Variants in ID4 observed in about 807,000 individuals in gnomAD.
ID4 encodes inhibitor of DNA binding 4, also known as DNA-binding protein inhibitor ID-4.
A neutral mutation model predicts 8.6 loss-of-function variants in ID4; 9 were observed. The observed-to-expected ratio is 1.04, with a 90% CI of 0.63 to 1.82. The LOEUF (loss-of-function observed/expected upper bound fraction) is 1.82, where lower values mean the gene tolerates loss of function less well. Ranked by LOEUF, ID4 falls within the 40% of genes most tolerant of loss-of-function variation. The pLI, the probability that ID4 is intolerant of heterozygous loss-of-function variation, is 0.00. For synonymous variants in ID4, 180 were observed against 118.0 expected (o/e 1.53, Z -3.41); for missense variants, 270 against 235.1 (o/e 1.15, Z -0.97).
chr6:19,841,420 CAT>C lies in ID4; in HGVS notation c.*2226_*2227del, dbSNP rs1377633013. On this transcript the variant is annotated 3_prime_UTR_variant, in exon 3 of 3. Coordinates refer to ENST00000378700, the MANE Select transcript of ID4 (RefSeq NM_001546.4). ...TTTAATTTCAGTAGGAAGCATGTCA[CAT>C]GTGCACTGTTGGTTAGAATTATGCA... Among the ~76,000 whole-genome samples the C allele has an allele frequency of 2.6e-5, 4 of 152,292 alleles. No individual in the cohort carries two copies. The highest frequency in any genetic ancestry group is 4.1e-4 in the South Asian group (2 of 4,832).
rs1761352035 is a variant in ID4, at chr6:19,841,094, C to CTAATGCTAGCAGGTTAAAAT, written c.*1900_*1919dup. ...AATGTCTAAACAGAAATGAACAAAACTAATGCTAGCAGGTTAAAATCAATC... is the reference window on the plus strand; with the variant it reads ...AATGTCTAAACAGAAATGAACAAAACTAATGCTAGCAGGTTAAAATTAATGCTAGCAGGTTAAAATCAATC... On this transcript the variant is annotated 3_prime_UTR_variant, in exon 3 of 3. Transcript: ENST00000378700. Among the ~76,000 whole-genome samples the CTAATGCTAGCAGGTTAAAAT allele has an allele frequency of 6.6e-6, 1 of 152,156 alleles. No homozygotes were observed. Among genetic ancestry groups the CTAATGCTAGCAGGTTAAAAT allele is most frequent in the Non-Finnish European group, 1.5e-5 (1 of 68,004 alleles).
chr6:19,839,730 T>C lies in ID4; in HGVS notation c.*535T>C, dbSNP rs1761318068. The C allele has an allele frequency of 3.3e-5, 5 of 152,596 alleles. No individual in the cohort carries two copies. The South Asian group carries it at 1.0e-3, about 32-fold the overall frequency. 9.5% of individuals were successfully genotyped at this position (152,596 alleles called of 1,614,324 possible). A position where few individuals can be genotyped will look rare whatever the true frequency, so the allele number is the denominator to read the frequency against. On this transcript the variant is annotated 3_prime_UTR_variant, in exon 3 of 3. Transcript: ENST00000378700. ...GATAAATGAGTGACATTTCATACCA[T>C]GTATATATAGAGATGTTCTATAAGT...
In ID4 at chr6:19,837,429, T is replaced by A. The variant is rs1761239070; in HGVS notation, c.-326T>A. 2 of 155,050 alleles carry A rather than the reference T, an allele frequency of 1.3e-5. No homozygotes were observed. Among genetic ancestry groups the A allele is most frequent in the South Asian group, 4.1e-4 (2 of 4,856 alleles). The allele number at this position is 155,050 out of a possible 1,614,324, so 9.6% of individuals were successfully genotyped here. On this transcript the variant is annotated 5_prime_UTR_variant, in exon 1 of 3. Transcript: ENST00000378700. ...TACCGGGAGTGGGGTGATCCCGGGC[T>A]AGGGGAGCGCGGCGGCCGCGATCGG...
At position 19,839,537 on chromosome 6, in the gene ID4, G is replaced by A. The variant is rs1403575088; in HGVS notation, c.*342G>A. The stretch of plus-strand genomic sequence containing the variant: ...TAAATAGAAGATCAAGAGTAGATCC[G>A]ACTTTAGAAGCCTACTTTGTGACCA... On this transcript the variant is annotated 3_prime_UTR_variant, in exon 3 of 3. Coordinates refer to ENST00000378700, the MANE Select transcript of ID4 (RefSeq NM_001546.4). 6.6e-6 allele frequency: 1 copy of A among 152,522 alleles called. No homozygotes were observed. The highest frequency in any genetic ancestry group is 2.4e-5 in the African/African-American group (1 of 41,412). 9.4% of individuals were successfully genotyped at this position (152,522 alleles called of 1,614,324 possible).
In ID4 at chr6:19,838,189, C is replaced by G. The variant is rs1337749423; in HGVS notation, c.435C>G (p.Thr145=). Residue 145 remains threonine, a synonymous_variant, in exon 1 of 3, where the codon ACC becomes ACG. Transcript: ENST00000378700. ...PPRTPLTALN[T]DPAGAVNKQG... ...GGACCCCGCTCACTGCGCTCAACACCGACCCGGTGAGAGGCCGGGCGCCGG... is the reference window on the plus strand; with the variant it reads ...GGACCCCGCTCACTGCGCTCAACACGGACCCGGTGAGAGGCCGGGCGCCGG... 1.7e-5 allele frequency: 24 copies of G among 1,395,898 alleles called. No homozygotes were observed. The highest frequency in any genetic ancestry group is 2.1e-5 in the Non-Finnish European group (23 of 1,078,252). The allele number at this position is 1,395,898 out of a possible 1,614,324, so 86.5% of individuals were successfully genotyped here.
In ID4 at chr6:19,838,087, C is replaced by G; in HGVS notation, c.333C>G (p.His111Gln). Residue 111 changes from histidine (H) to glutamine (Q), a missense_variant, in exon 1 of 3, where the codon CAC becomes CAG. Physicochemically the swap from His to Gln is conservative, Grantham distance 24. Coordinates refer to ENST00000378700, the MANE Select transcript of ID4 (RefSeq NM_001546.4). ...ILDLQLALET[H>Q]PALLRQPPPP... is the part of the protein sequence containing the mutation. ...ACCTGCAGCTGGCGCTGGAGACGCA[C>G]CCGGCCCTGCTGAGGCAGCCACCAC... is the stretch of plus-strand genomic sequence containing the variant. The G allele has an allele frequency of 1.2e-6, 2 of 1,604,062 alleles. No homozygotes were observed. Among genetic ancestry groups the G allele is most frequent in the Non-Finnish European group, 1.7e-6 (2 of 1,175,532 alleles).
intron 1 of ID4, 34 bp downstream of exon 1, chr6:19,838,229 C>T (rs1162853395): frequency 9.0e-6 from 12 of 1,326,354 alleles, no homozygotes; most frequent in South Asian, 2.2e-5. Context: ...GGGCGGACGC[C>T]GCGGGGGATG....
At position 19,837,738 on chromosome 6, in the gene ID4, A is replaced by AGG; in HGVS notation, c.-16_-15insGG. The AGG allele has an allele frequency of 8.9e-7, 1 of 1,121,464 alleles. No homozygotes were observed. Among genetic ancestry groups the AGG allele is most frequent in the African/African-American group, 1.7e-5 (1 of 59,930 alleles). 69.5% of individuals were successfully genotyped at this position (1,121,464 alleles called of 1,614,324 possible). ...CGCCCCAGCGGGTTCGCTCGCGTAG[A>AGG]GCGCAGGGCGCGCGCGATGAAGGCG... On this transcript the variant is annotated 5_prime_UTR_variant, in exon 1 of 3. Coordinates refer to ENST00000378700, the MANE Select transcript of ID4 (RefSeq NM_001546.4).
Position 19,838,307 on chromosome 6 carries a change from G to A in ID4, c.441+112G>A, listed in dbSNP as rs1761272335. The A allele has an allele frequency of 1.3e-5, 14 of 1,084,466 alleles. No homozygotes were observed. The South Asian group carries it at 1.6e-4, about 12-fold the overall frequency. The allele number at this position is 1,084,466 out of a possible 1,614,324, so 67.2% of individuals were successfully genotyped here. On this transcript the variant is annotated intron_variant, in intron 1 of 2. Transcript: ENST00000378700. Reference sequence around the variant, plus strand: ...CTCCGGGCAGGGGCGGGCCAGGAATGACAGCCCCCTCCCCCTGCTCCTCCG... The same window carrying A: ...CTCCGGGCAGGGGCGGGCCAGGAATAACAGCCCCCTCCCCCTGCTCCTCCG...
rs781608796 is a variant in ID4, at chr6:19,838,566, G to A, written c.442-18G>A. 6.2e-7 allele frequency: 1 copy of A among 1,614,010 alleles called. No individual in the cohort carries two copies. Among genetic ancestry groups the A allele is most frequent in the East Asian group, 2.2e-5 (1 of 44,840 alleles). ...TGCGCCTGCTAACCTTTCCCTTGGT[G>A]TTCGGTTGCTGTTCCAGGCCGGCGC... On this transcript the variant is annotated intron_variant, in intron 1 of 2. Transcript: ENST00000378700.
Position 19,839,811 on chromosome 6 carries a change from TA to T in ID4, c.*617del, listed in dbSNP as rs1234887814. The T allele has an allele frequency of 5.3e-5, 8 of 152,138 alleles. No individual in the cohort carries two copies. The highest frequency in any genetic ancestry group is 4.1e-4 in the South Asian group (2 of 4,828). 9.4% of individuals were successfully genotyped at this position (152,138 alleles called of 1,614,324 possible). A position where few individuals can be genotyped will look rare whatever the true frequency, so the allele number is the denominator to read the frequency against. ...TAATTATAAGATATTTTTAATTAAA[TA>T]TTTTTTTGTAAATATTATGTGTGTG... On this transcript the variant is annotated 3_prime_UTR_variant, in exon 3 of 3. Transcript: ENST00000378700.
Position 19,841,380 on chromosome 6 carries a change from C to A in ID4, c.*2185C>A, listed in dbSNP as rs1761357097. 6.6e-6 allele frequency among the ~76,000 whole-genome samples: 1 copy of A among 152,122 alleles called. No homozygotes were observed. The highest frequency in any genetic ancestry group is 6.5e-5 in the Admixed American group (1 of 15,278). On this transcript the variant is annotated 3_prime_UTR_variant, in exon 3 of 3. Transcript: ENST00000378700. ...GTTATTAAAAAGGGCACAATCCTTC[C>A]TTTTTATTTGGCAGTTTAATTTCAG...
Position 19,838,615 on chromosome 6 carries a change from TTCTGTGCC to T in ID4, c.474_481del (p.Ile158MetfsTer19). 6.2e-7 allele frequency: 1 copy of T among 1,613,922 alleles called. No homozygotes were observed. The highest frequency in any genetic ancestry group is 1.3e-5 in the African/African-American group (1 of 75,052). ...GCGGTGAACAAGCAGGGCGACAGCATTCTGTGCCGCTGAGCCGCGCTGTCCAGGTGAGC... is the reference window on the plus strand; with the variant it reads ...GCGGTGAACAAGCAGGGCGACAGCATGCTGAGCCGCGCTGTCCAGGTGAGC... On this transcript the variant is annotated frameshift_variant, in exon 2 of 3. Transcript: ENST00000378700. LOFTEE classifies it high-confidence loss of function.
rs1761257880 is a variant in ID4, at chr6:19,837,940, G to GTA, written c.187_188insAT (p.Cys63TyrfsTer7). ...AGGCGGCGGCCGACGAGCCGGCGCT[G>GTA]TGCCTGCAGTGCGATATGAACGACT... On this transcript the variant is annotated frameshift_variant, in exon 1 of 3. Coordinates refer to ENST00000378700, the MANE Select transcript of ID4 (RefSeq NM_001546.4). LOFTEE classifies it high-confidence loss of function. The GTA allele has an allele frequency of 1.3e-6, 2 of 1,507,560 alleles. No homozygotes were observed. The highest frequency in any genetic ancestry group is 1.8e-6 in the Non-Finnish European group (2 of 1,126,400). The allele number at this position is 1,507,560 out of a possible 1,614,324, so 93.4% of individuals were successfully genotyped here. A position where few individuals can be genotyped will look rare whatever the true frequency, so the allele number is the denominator to read the frequency against.
Position 19,839,417 on chromosome 6 carries a change from C to T in ID4, c.*222C>T, listed in dbSNP as rs947120686. ...CATAAACATTCTACATACGTATTCTCTTTTGTCTCTTCATTTATAACTGCT... is the reference window on the plus strand; with the variant it reads ...CATAAACATTCTACATACGTATTCTTTTTTGTCTCTTCATTTATAACTGCT... On this transcript the variant is annotated 3_prime_UTR_variant, in exon 3 of 3. Coordinates refer to ENST00000378700, the MANE Select transcript of ID4 (RefSeq NM_001546.4). The T allele has an allele frequency of 7.2e-5, 11 of 152,744 alleles. No individual in the cohort carries two copies. Among genetic ancestry groups the T allele is most frequent in the South Asian group, 2.1e-4 (1 of 4,824 alleles). The allele number at this position is 152,744 out of a possible 1,614,324, so 9.5% of individuals were successfully genotyped here.
Position 19,838,718 on chromosome 6 carries a change from C to T in ID4, c.*14+76C>T, listed in dbSNP as rs933446394. 3.1e-5 allele frequency: 42 copies of T among 1,335,914 alleles called. No homozygotes were observed. The African/African-American group carries it at 5.5e-4, about 17-fold the overall frequency. The allele number at this position is 1,335,914 out of a possible 1,614,324, so 82.8% of individuals were successfully genotyped here. A position where few individuals can be genotyped will look rare whatever the true frequency, so the allele number is the denominator to read the frequency against. On this transcript the variant is annotated intron_variant, in intron 2 of 2. Coordinates refer to ENST00000378700, the MANE Select transcript of ID4 (RefSeq NM_001546.4). ...CCCGAGGGCTTCCGGGGCCAGGCAC[C>T]GCGGTGTTCTTTGCCCCCAGCGTTT...
chr6:19,840,820 T>A lies in ID4; in HGVS notation c.*1625T>A, dbSNP rs1479333121. On this transcript the variant is annotated 3_prime_UTR_variant, in exon 3 of 3. Coordinates refer to ENST00000378700, the MANE Select transcript of ID4 (RefSeq NM_001546.4). ...TTTGTGAACATTATGCATTTAATGTTATGGGTACTTTACACACAAGTTAGA... is the reference window on the plus strand; with the variant it reads ...TTTGTGAACATTATGCATTTAATGTAATGGGTACTTTACACACAAGTTAGA... The A allele has an allele frequency of 6.6e-6, 1 of 152,168 alleles. No individual in the cohort carries two copies. The highest frequency in any genetic ancestry group is 1.9e-4 in the East Asian group (1 of 5,192). The allele number at this position is 152,168 out of a possible 1,614,324, so 9.4% of individuals were successfully genotyped here. A position where few individuals can be genotyped will look rare whatever the true frequency, so the allele number is the denominator to read the frequency against.
Position 19,838,175 on chromosome 6 carries a change from A to G in ID4, c.421A>G (p.Thr141Ala). Residue 141 changes from threonine to alanine, a missense_variant, in exon 1 of 3, where the codon ACT becomes GCT. Physicochemically the swap from Thr to Ala is moderately conservative, Grantham distance 58 (BLOSUM62 0). This residue lies in a region of ID4 where 107 missense variants were observed against 81.0 expected (regional missense o/e 1.32). Transcript: ENST00000378700. The stretch of plus-strand genomic sequence containing the variant: ...AGCCGCGCCGCCGCGGACCCCGCTC[A>G]CTGCGCTCAACACCGACCCGGTGAG... ...CPAAPPRTPL[T>A]ALNTDPAGAV... 6.7e-7 allele frequency: 1 copy of G among 1,487,140 alleles called. No individual in the cohort carries two copies. Among genetic ancestry groups the G allele is most frequent in the Non-Finnish European group, 8.9e-7 (1 of 1,118,598 alleles). The allele number at this position is 1,487,140 out of a possible 1,614,324, so 92.1% of individuals were successfully genotyped here. A position where few individuals can be genotyped will look rare whatever the true frequency, so the allele number is the denominator to read the frequency against.
At position 19,837,832 on chromosome 6, in the gene ID4, C is replaced by G. The variant is rs1376212459; in HGVS notation, c.78C>G (p.Arg26=). The G allele has an allele frequency of 8.6e-7, 1 of 1,159,256 alleles. No individual in the cohort carries two copies. Among genetic ancestry groups the G allele is most frequent in the Non-Finnish European group, 1.1e-6 (1 of 941,522 alleles). The allele number at this position is 1,159,256 out of a possible 1,614,324, so 71.8% of individuals were successfully genotyped here. ...GCGGCGGCGGGGAGCTGGCGCTGCGCTGCCTGGCCGAGCACGGCCACAGCC... is the reference window on the plus strand; with the variant it reads ...GCGGCGGCGGGGAGCTGGCGCTGCGGTGCCTGGCCGAGCACGGCCACAGCC... ...SGCGGGELAL[R]CLAEHGHSLG... Residue 26 remains arginine, a synonymous_variant, in exon 1 of 3, where the codon CGC becomes CGG. Coordinates refer to ENST00000378700, the MANE Select transcript of ID4 (RefSeq NM_001546.4).
Sources: allele counts gnomAD v4.1 joint callset (sites outside exome capture counted in the v4.1 genomes callset), GRCh38; gene constraint gnomAD v4.1.1; regional missense constraint gnomAD v4.1.1; transcripts MANE v1.5; gene names NCBI Gene and HGNC (gene_info 2026-07-23, HGNC 2026-07-21).